The following SLC32A1 variants were observed in gnomAD, a reference collection of about 807,000 sequenced individuals.
The protein encoded by SLC32A1 is solute carrier family 32 member 1.
Under a neutral mutation model 35.5 loss-of-function variants are expected in SLC32A1, and 8 were observed. That is an observed-to-expected ratio of 0.23 (90% CI 0.13 to 0.41). The LOEUF (loss-of-function observed/expected upper bound fraction) is 0.41. Ranked by LOEUF, SLC32A1 falls within the 10% of genes least tolerant of loss-of-function variation. The pLI, the probability that SLC32A1 is intolerant of heterozygous loss-of-function variation, is 1.00. For synonymous variants in SLC32A1, 317 were observed against 326.3 expected (o/e 0.97, Z 0.31); for missense variants, 493 against 722.3 (o/e 0.68, Z 3.64).
At position 38,724,689 on chromosome 20, in the gene SLC32A1, G is replaced by A. The variant is rs1247285458; in HGVS notation, c.-36G>A. On this transcript the variant is annotated 5_prime_UTR_variant, in exon 1 of 2. Transcript: ENST00000217420. The stretch of plus-strand genomic sequence containing the variant: ...TTGCATCGCGTTCCCCGCATCCTCG[G>A]GTCCTTCTGTCCTTTCCGCTGTCCC... 4 of 1,550,712 alleles carry A rather than the reference G, an allele frequency of 2.6e-6. No homozygotes were observed. Among genetic ancestry groups the A allele is most frequent in the East Asian group, 2.3e-5 (1 of 43,850 alleles).
chr20:38,727,587 G>A lies in SLC32A1; in HGVS notation c.526G>A (p.Asp176Asn), dbSNP rs1220464417. 6.2e-7 allele frequency: 1 copy of A among 1,611,908 alleles called. No homozygotes were observed. The highest frequency in any genetic ancestry group is 2.2e-5 in the East Asian group (1 of 44,894). The change falls in exon 2 of 2, where the codon GAC becomes AAC. Residue 176 changes from aspartate to asparagine, a missense_variant. Asp to Asn is a conservative substitution (Grantham distance 23, BLOSUM62 1). Coordinates refer to ENST00000217420, the MANE Select transcript of SLC32A1 (RefSeq NM_080552.3). ...LIACLYEENE[D>N]GEVVRVRDSY... Reference sequence around the variant, plus strand: ...CGCGTGCCTGTACGAGGAGAATGAAGACGGCGAGGTGGTGCGCGTGCGGGA... The same window carrying A: ...CGCGTGCCTGTACGAGGAGAATGAAAACGGCGAGGTGGTGCGCGTGCGGGA...
chr20:38,728,729 G>T lies in SLC32A1; in HGVS notation c.*90G>T. On this transcript the variant is annotated 3_prime_UTR_variant, in exon 2 of 2. Transcript: ENST00000217420. Reference sequence around the variant, plus strand: ...CCAGCCCAGTGCGCCCTGCCGCCGCGCTTGGGAGGCCAAGCTTTAAACATC... The same window carrying T: ...CCAGCCCAGTGCGCCCTGCCGCCGCTCTTGGGAGGCCAAGCTTTAAACATC... 2 of 1,207,240 alleles carry T rather than the reference G, an allele frequency of 1.7e-6. No homozygotes were observed. The highest frequency in any genetic ancestry group is 2.3e-6 in the Non-Finnish European group (2 of 882,496). 74.8% of individuals were successfully genotyped at this position (1,207,240 alleles called of 1,614,324 possible). A position where few individuals can be genotyped will look rare whatever the true frequency, so the allele number is the denominator to read the frequency against.
rs2084283373 is a variant in SLC32A1, at chr20:38,727,865, G to T, written c.804G>T (p.Leu268=). Reference sequence around the variant, plus strand: ...TCAAGGCCGTGTCCAAGTTCAGTCTGCTGTGCACTCTGGCCCACTTCGTCA... The same window carrying T: ...TCAAGGCCGTGTCCAAGTTCAGTCTTCTGTGCACTCTGGCCCACTTCGTCA... ...KNLKAVSKFS[L]LCTLAHFVIN... is the part of the protein sequence containing the mutation. The change falls in exon 2 of 2, where the codon CTG becomes CTT. Residue 268 remains leucine (L), a synonymous_variant. Transcript: ENST00000217420. 3.1e-6 allele frequency: 5 copies of T among 1,614,124 alleles called. No individual in the cohort carries two copies. Among genetic ancestry groups the T allele is most frequent in the Non-Finnish European group, 4.2e-6 (5 of 1,180,058 alleles).
intron 1 of SLC32A1, among the ~76,000 whole-genome samples, chr20:38,727,066 C>T (rs2084278939): frequency 6.6e-6 from 1 of 152,110 alleles, no homozygotes; most frequent in African/African-American, 2.4e-5. Flanking sequence ...TGTCCCTTCT[C>T]ATCTCCTCCC....
In SLC32A1 at chr20:38,728,037, C is replaced by A; in HGVS notation, c.976C>A (p.Leu326Met). The A allele has an allele frequency of 6.2e-7, 1 of 1,614,046 alleles. No homozygotes were observed. The highest frequency in any genetic ancestry group is 1.3e-5 in the African/African-American group (1 of 75,058). Reference sequence around the variant, plus strand: ...CACGTCTCAGATCTTCCTGCCTTCGCTGGAGGGCAATATGCAGCAGCCCAG... The same window carrying A: ...CACGTCTCAGATCTTCCTGCCTTCGATGGAGGGCAATATGCAGCAGCCCAG... ...SYTSQIFLPS[L>M]EGNMQQPSEF... is the part of the protein sequence containing the mutation. Residue 326 changes from leucine to methionine, a missense_variant, in exon 2 of 2, where the codon CTG becomes ATG. Physicochemically the swap from Leu to Met is conservative, Grantham distance 15. This residue lies in a region of SLC32A1 where 269 missense variants were observed against 445.6 expected (regional missense o/e 0.60). Coordinates refer to ENST00000217420, the MANE Select transcript of SLC32A1 (RefSeq NM_080552.3).
chr20:38,728,669 T>C lies in SLC32A1; in HGVS notation c.*30T>C. 1 of 1,550,604 alleles carries C rather than the reference T, an allele frequency of 6.4e-7. No homozygotes were observed. The highest frequency in any genetic ancestry group is 8.7e-7 in the Non-Finnish European group (1 of 1,146,534). Reference sequence around the variant, plus strand: ...CAAGGGCGAGCCCCCGCCGCGCTTCTGCGCTCTCTCCCTTCTCCCCTCACC... The same window carrying C: ...CAAGGGCGAGCCCCCGCCGCGCTTCCGCGCTCTCTCCCTTCTCCCCTCACC... On this transcript the variant is annotated 3_prime_UTR_variant, in exon 2 of 2. Transcript: ENST00000217420.
rs1323494062 is a variant in SLC32A1, at chr20:38,729,004, C to A, written c.*365C>A. On this transcript the variant is annotated 3_prime_UTR_variant, in exon 2 of 2. Transcript: ENST00000217420. ...CAGCTCGCAGGCGTGGCAACTTGAC[C>A]TTGGGGGAATATTTCACATCCATCC... 4.3e-6 allele frequency: 1 copy of A among 233,788 alleles called. No individual in the cohort carries two copies. The highest frequency in any genetic ancestry group is 9.6e-5 in the East Asian group (1 of 10,448). 14.5% of individuals were successfully genotyped at this position (233,788 alleles called of 1,614,324 possible).
chr20:38,726,589 G>A lies in SLC32A1; in HGVS notation c.391-863G>A, dbSNP rs2084277123. Among the ~76,000 whole-genome samples, 1 of 152,172 alleles carries A rather than the reference G, an allele frequency of 6.6e-6. No individual in the cohort carries two copies. The highest frequency in any genetic ancestry group is 1.5e-5 in the Non-Finnish European group (1 of 68,008). On this transcript the variant is annotated intron_variant, in intron 1 of 1. Transcript: ENST00000217420. This position sits in a 1 kb window ranked among gnomAD's most constrained non-coding sequence, Gnocchi z 4.7. ...ACAGCCCTGTCCGCCTGACCCTGAA[G>A]CTTCTGGTTCTAGACTCTTGCTCGG...
At position 38,728,966 on chromosome 20, in the gene SLC32A1, G is replaced by T. The variant is rs2084289430; in HGVS notation, c.*327G>T. The stretch of plus-strand genomic sequence containing the variant: ...AGTCATCGAGGGGGTTGGGAAGGGA[G>T]GGAGAGGGGGCGCAGCTCGCAGGCG... On this transcript the variant is annotated 3_prime_UTR_variant, in exon 2 of 2. Transcript: ENST00000217420. The T allele has an allele frequency of 3.3e-6, 1 of 300,556 alleles. No homozygotes were observed. The highest frequency in any genetic ancestry group is 6.2e-6 in the Non-Finnish European group (1 of 161,398). The allele number at this position is 300,556 out of a possible 1,614,324, so 18.6% of individuals were successfully genotyped here.
rs1443108929 is a variant in SLC32A1, at chr20:38,728,784, A to T, written c.*145A>T. ...GTTCCTAGTTTCTGATTATTCGGGG[A>T]TGGGGGGGATGGGAGGGGACAGGGA... On this transcript the variant is annotated 3_prime_UTR_variant, in exon 2 of 2. Transcript: ENST00000217420. 7.2e-4 allele frequency: 227 copies of T among 317,350 alleles called. No homozygotes were observed. Among genetic ancestry groups the T allele is most frequent in the East Asian group, 1.6e-3 (18 of 11,428 alleles). 19.7% of individuals were successfully genotyped at this position (317,350 alleles called of 1,614,324 possible).
At position 38,728,517 on chromosome 20, in the gene SLC32A1, C is replaced by G; in HGVS notation, c.1456C>G (p.Leu486Val). 1 of 1,613,568 alleles carries G rather than the reference C, an allele frequency of 6.2e-7. No homozygotes were observed. The highest frequency in any genetic ancestry group is 1.3e-5 in the African/African-American group (1 of 75,082). The stretch of plus-strand genomic sequence containing the variant: ...CCTGCGCCTGCTCTGGCGCAAGCTG[C>G]TGTGGCACCAAGTCTTCTTCGACGT... ...FHLRLLWRKL[L>V]WHQVFFDVAI... Residue 486 changes from leucine (L) to valine (V), a missense_variant, in exon 2 of 2, where the codon CTG (leucine) becomes GTG (valine). Coordinates refer to ENST00000217420, the MANE Select transcript of SLC32A1 (RefSeq NM_080552.3).
chr20:38,725,733 C>A (rs1184348019), intron 1 of SLC32A1, among the ~76,000 whole-genome samples: 2 of 152,214 alleles, frequency 1.3e-5, no homozygotes, highest in African/African-American at 2.4e-5. Context: ...CCTGCACATA[C>A]CAAACACACG....
At position 38,727,703 on chromosome 20, in the gene SLC32A1, G is replaced by A. The variant is rs2084282707; in HGVS notation, c.642G>A (p.Leu214=). The change falls in exon 2 of 2, where the codon CTG becomes CTA. Residue 214 remains leucine, a synonymous_variant. Transcript: ENST00000217420. Reference sequence around the variant, plus strand: ...TGAACGTAGCGCAGATCATCGAGCTGGTGATGACGTGCATCCTGTACGTGG... The same window carrying A: ...TGAACGTAGCGCAGATCATCGAGCTAGTGATGACGTGCATCCTGTACGTGG... ...RVVNVAQIIE[L]VMTCILYVVV... 1 of 1,614,210 alleles carries A rather than the reference G, an allele frequency of 6.2e-7. No homozygotes were observed. The highest frequency in any genetic ancestry group is 8.5e-7 in the Non-Finnish European group (1 of 1,180,040).
chr20:38,725,942 C>G (rs2084274325), intron 1 of SLC32A1, among the ~76,000 whole-genome samples: 1 of 152,196 alleles, frequency 6.6e-6, no homozygotes, highest in South Asian at 2.1e-4. Flanking sequence ...GCCCGAAATC[C>G]CGGCTGCACC....
intron 1 of SLC32A1, 21 bp from the exon 2 acceptor site, chr20:38,727,431 G>T (rs750135856): frequency 1.4e-5 from 22 of 1,597,866 alleles, no homozygotes; most frequent in East Asian, 2.2e-5. Context: ...GTCCGCGTCT[G>T]GTTGCCTCTC....
Position 38,725,017 on chromosome 20 carries a change from C to G in SLC32A1, c.293C>G (p.Ser98Cys), listed in dbSNP as rs1055910462. 1.3e-6 allele frequency: 2 copies of G among 1,566,046 alleles called. No individual in the cohort carries two copies. Among genetic ancestry groups the G allele is most frequent in the African/African-American group, 2.7e-5 (2 of 73,128 alleles). Residue 98 changes from serine to cysteine, a missense_variant, in exon 1 of 2, where the codon TCC becomes TGC. Transcript: ENST00000217420. ...GSGAPLPPSG[S>C]KDQVGGGGEF... ...GGAGCTCCTCTGCCGCCCTCCGGCT[C>G]CAAGGACCAGGTGGGAGGTGGTGGC...
chr20:38,724,887 C>A lies in SLC32A1; in HGVS notation c.163C>A (p.Arg55Ser). 2 of 1,614,002 alleles carry A rather than the reference C, an allele frequency of 1.2e-6. No homozygotes were observed. The highest frequency in any genetic ancestry group is 2.2e-5 in the South Asian group (2 of 91,086). ...TTGCGACGACCTCGACTTTGAGCAC[C>A]GCCAGGGCCTGCAGATGGACATCCT... is the stretch of plus-strand genomic sequence containing the variant. ...AHCDDLDFEH[R>S]QGLQMDILKA... The change falls in exon 1 of 2, where the codon CGC becomes AGC. Residue 55 changes from arginine to serine, a missense_variant. Arg to Ser is a moderately radical substitution (Grantham distance 110, BLOSUM62 -1). This residue lies in a region of SLC32A1 where 133 missense variants were observed against 145.9 expected (regional missense o/e 0.91). Coordinates refer to ENST00000217420, the MANE Select transcript of SLC32A1 (RefSeq NM_080552.3).
chr20:38,727,630 C>G lies in SLC32A1; in HGVS notation c.569C>G (p.Ala190Gly), dbSNP rs922868461. 3 of 1,613,884 alleles carry G rather than the reference C, an allele frequency of 1.9e-6. No homozygotes were observed. Among genetic ancestry groups the G allele is most frequent in the Non-Finnish European group, 2.5e-6 (3 of 1,180,054 alleles). The change falls in exon 2 of 2, where the codon GCC becomes GGC. Residue 190 changes from alanine to glycine, a missense_variant. Coordinates refer to ENST00000217420, the MANE Select transcript of SLC32A1 (RefSeq NM_080552.3). ...VRVRDSYVAI[A>G]NACCAPRFPT... is the part of the protein sequence containing the mutation. ...GTGCGGGACTCGTACGTGGCCATAGCCAACGCCTGCTGCGCCCCGCGCTTC... is the reference window on the plus strand; with the variant it reads ...GTGCGGGACTCGTACGTGGCCATAGGCAACGCCTGCTGCGCCCCGCGCTTC...
chr20:38,725,651 A>G (rs1303040602), intron 1 of SLC32A1, among the ~76,000 whole-genome samples: 2 of 152,122 alleles, frequency 1.3e-5, no homozygotes, highest in Non-Finnish European at 2.9e-5. Context: ...ACATGTATCT[A>G]TATATAGACC....
Sources: gnomAD v4.1 joint callset for allele counts (sites outside exome capture counted in the v4.1 genomes callset) on GRCh38, gnomAD v4.1.1 for gene constraint, gnomAD v4.1.1 regional missense constraint, Gnocchi (gnomAD v3.1) non-coding constraint, MANE v1.5 for transcripts, NCBI Gene and HGNC (gene_info 2026-07-23, HGNC 2026-07-21) for gene names.